Variants in ELAPOR1 observed in about 807,000 individuals in gnomAD.
ELAPOR1 encodes endosome/lysosome-associated apoptosis and autophagy regulator 1.
Under a neutral mutation model 119.7 loss-of-function variants are expected in ELAPOR1, and 77 were observed. The observed-to-expected ratio is 0.64, with a 90% CI of 0.54 to 0.78. The LOEUF (loss-of-function observed/expected upper bound fraction) is 0.78. Ranked by LOEUF, ELAPOR1 falls within the 30% of genes least tolerant of loss-of-function variation. ELAPOR1 has a pLI of 0.00. For synonymous variants in ELAPOR1, 481 were observed against 487.2 expected (o/e 0.99, Z 0.17); for missense variants, 1,115 against 1,270.4 (o/e 0.88, Z 1.86).
chr1:109,126,585 C>G (rs112570548), intron 1 of ELAPOR1, among the ~76,000 whole-genome samples: 3,206 of 152,240 alleles, frequency 0.021, 42 homozygotes, highest in Non-Finnish European at 0.032. Flanking sequence ...ATTCTCCTGC[C>G]TCAGCCTCCC....
chr1:109,165,989 C>T (rs2101048207), intron 3 of ELAPOR1, among the ~76,000 whole-genome samples: 1 of 152,052 alleles, frequency 6.6e-6, no homozygotes, highest in East Asian at 1.9e-4. Flanking sequence ...CCTCTCCGCT[C>T]ACTGCAAGCT....
intron 1 of ELAPOR1, among the ~76,000 whole-genome samples, chr1:109,123,451 A>G (rs1046636650): frequency 1.3e-5 from 2 of 152,220 alleles, no homozygotes; most frequent in Non-Finnish European, 2.9e-5. Context: ...TAATCACCGT[A>G]TCTGTTGGTA....
intron 7 of ELAPOR1, among the ~76,000 whole-genome samples, chr1:109,175,975 A>G (rs1477780026): frequency 6.6e-6 from 1 of 152,216 alleles, no homozygotes; most frequent in Non-Finnish European, 1.5e-5. Flanking sequence ...AGATTTTGAT[A>G]ACAAGGTCTA....
chr1:109,149,970 G>A (rs1304148812), intron 1 of ELAPOR1, among the ~76,000 whole-genome samples: 1 of 152,204 alleles, frequency 6.6e-6, no homozygotes, highest in Non-Finnish European at 1.5e-5. Context: ...CCCCGAGCCT[G>A]GCACATGGAT....
At chr1:109,141,407 G>A (rs901040027) in intron 1 of ELAPOR1, among the ~76,000 whole-genome samples, 5 of 151,538 alleles carry the variant, frequency 3.3e-5, no homozygotes, top group Non-Finnish European at 7.4e-5. Context: ...GACTACAGGC[G>A]CCTGCCACCA....
At position 109,206,398 on chromosome 1, in the gene ELAPOR1, G is replaced by T. The variant is rs1347416545; in HGVS notation, c.*3386G>T. 1 of 152,184 alleles carries T rather than the reference G, an allele frequency of 6.6e-6. No individual in the cohort carries two copies. The highest frequency in any genetic ancestry group is 1.9e-4 in the East Asian group (1 of 5,198). The allele number at this position is 152,184 out of a possible 1,614,324, so 9.4% of individuals were successfully genotyped here. On this transcript the variant is annotated 3_prime_UTR_variant, in exon 22 of 22. Coordinates refer to ENST00000369939, the MANE Select transcript of ELAPOR1 (RefSeq NM_020775.5). ...CTGTCCAAGCTGTTGTTGGTAGAGG[G>T]AGTATGATAAAATGTTTAAATCTCA...
At chr1:109,153,690 A>T (rs1474490277) in intron 1 of ELAPOR1, among the ~76,000 whole-genome samples, 1 of 151,748 alleles carries the variant, frequency 6.6e-6, no homozygotes, top group Admixed American at 6.6e-5. Flanking sequence ...CCCAGGCTGG[A>T]GTGCAATGGT....
chr1:109,164,499 C>T lies in ELAPOR1; in HGVS notation c.275C>T (p.Ser92Phe). 1 of 1,606,612 alleles carries T rather than the reference C, an allele frequency of 6.2e-7. No homozygotes were observed. Among genetic ancestry groups the T allele is most frequent in the Non-Finnish European group, 8.5e-7 (1 of 1,174,634 alleles). Residue 92 changes from serine to phenylalanine, a missense_variant and splice_region_variant, in exon 3 of 22, where the codon TCC (serine) becomes TTC (phenylalanine). Physicochemically the swap from Ser to Phe is radical, Grantham distance 155. Coordinates refer to ENST00000369939, the MANE Select transcript of ELAPOR1 (RefSeq NM_020775.5). The part of the protein sequence containing the change: ...LPDPIKGTEC[S>F]FSCNAGEFLD... ...ACCTTGTCTCTGCCCTGTTTTCCAG[C>T]CTTCTCCTGCAACGCCGGGGAGTTT...
At chr1:109,162,289 A>G (rs1331816599) in intron 2 of ELAPOR1, among the ~76,000 whole-genome samples, 2 of 152,252 alleles carry the variant, frequency 1.3e-5, no homozygotes, top group Non-Finnish European at 2.9e-5. Flanking sequence ...GTGTGCACTC[A>G]GATATTCTTT....
At chr1:109,131,310 G>A (rs1317903772) in intron 1 of ELAPOR1, among the ~76,000 whole-genome samples, 1 of 152,154 alleles carries the variant, frequency 6.6e-6, no homozygotes, top group Non-Finnish European at 1.5e-5. Context: ...CAATCTCAGA[G>A]GTCACACACT....
chr1:109,152,492 C>G (rs936927849), intron 1 of ELAPOR1, among the ~76,000 whole-genome samples: 3 of 152,132 alleles, frequency 2.0e-5, no homozygotes, highest in African/African-American at 7.2e-5. Context: ...TCTTTTCTCT[C>G]TGGGAGGTAG....
At chr1:109,154,298 A>AAAAAAG (rs1553252875) in intron 1 of ELAPOR1, among the ~76,000 whole-genome samples, 29 of 151,086 alleles carry the variant, frequency 1.9e-4, no homozygotes, top group Admixed American at 3.3e-4. Context: ...AAAAAAAAAA[A>AAAAAAG]AAAAAGAAAA....
chr1:109,200,588 A>C, intron 20 of ELAPOR1, 147 bp from the exon 21 acceptor site: 1 of 716,256 alleles, frequency 1.4e-6, no homozygotes, highest in Non-Finnish European at 2.3e-6. Context: ...TCCTTCTATT[A>C]CCCCAGCCCT....
chr1:109,174,777 G>A (rs1236111504), intron 7 of ELAPOR1, among the ~76,000 whole-genome samples: 2 of 151,610 alleles, frequency 1.3e-5, no homozygotes, highest in Admixed American at 1.3e-4. Context: ...GTGCAGTGGC[G>A]CGATCTCAGC....
At position 109,200,203 on chromosome 1, in the gene ELAPOR1, G is replaced by A. The variant is rs561111263; in HGVS notation, c.2773G>A (p.Val925Ile). 83 of 1,614,182 alleles carry A rather than the reference G, an allele frequency of 5.1e-5. 1 individual carries two copies. Among genetic ancestry groups the A allele is most frequent in the South Asian group, 4.5e-4 (41 of 91,086 alleles). ...CACCTGTACTGCCATCCTGCTCACC[G>A]TCTTGACCTGCTACTTTTGGAAAAA... ...AGTCTAILLT[V>I]LTCYFWKKNQ... Residue 925 changes from valine (V) to isoleucine (I), a missense_variant, in exon 20 of 22, where the codon GTC becomes ATC. Val to Ile is a conservative substitution (Grantham distance 29). Transcript: ENST00000369939.
rs112182612 is a variant in ELAPOR1 at position 109,155,268 on chromosome 1, C to T, written c.154-6626C>T. ...TCTGCTCACTGCAAGCTCCGCCTCC[C>T]GGGTTCACGCCATTCTCCTGCCTCA... On this transcript the variant is annotated intron_variant, in intron 1 of 21. Coordinates refer to ENST00000369939, the MANE Select transcript of ELAPOR1 (RefSeq NM_020775.5). Among the ~76,000 whole-genome samples, 1,301 of 152,122 alleles carry T rather than the reference C, an allele frequency of 8.6e-3. 15 individuals are homozygous for T. Among genetic ancestry groups the T allele is most frequent in the African/African-American group, 0.029 (1,208 of 41,406 alleles).
At chr1:109,179,704 G>A (rs1652580755) in intron 7 of ELAPOR1, among the ~76,000 whole-genome samples, 7 of 152,068 alleles carry the variant, frequency 4.6e-5, no homozygotes, top group Admixed American at 4.6e-4. Flanking sequence ...TCAGGAGTTG[G>A]AGACCAGCCT....
intron 1 of ELAPOR1, among the ~76,000 whole-genome samples, chr1:109,128,001 G>A (rs537714687): frequency 6.6e-6 from 1 of 151,896 alleles, no homozygotes; most frequent in East Asian, 1.9e-4. Flanking sequence ...AGCCTCCTGT[G>A]CAGCTGGGAT....
chr1:109,117,442 T>C (rs140126773), intron 1 of ELAPOR1, among the ~76,000 whole-genome samples: 4,708 of 152,314 alleles, frequency 0.031, 111 homozygotes, highest in Middle Eastern at 0.048. Context: ...CCAGGGCTAA[T>C]TGGCCTCAAA....
Sources: allele counts gnomAD v4.1 joint callset (sites outside exome capture counted in the v4.1 genomes callset), GRCh38; gene constraint gnomAD v4.1.1; transcripts MANE v1.5; gene names NCBI Gene and HGNC (gene_info 2026-07-23, HGNC 2026-07-21).